PIK3C3: variants seen among roughly 807,000 people sequenced by gnomAD.
PIK3C3 encodes the protein PI3-kinase type 3.
Under a neutral mutation model 126.1 loss-of-function variants are expected in PIK3C3, and 95 were observed. The ratio of observed to expected loss-of-function variants is 0.75; its 90% CI spans 0.64 to 0.89. The LOEUF is 0.89. Ranked by LOEUF, PIK3C3 falls within the 40% of genes least tolerant of loss-of-function variation. The probability of loss-of-function intolerance (pLI) is 0.00; values close to 1 mark genes in which losing one functional copy is unlikely to be tolerated. For synonymous variants in PIK3C3, 374 were observed against 360.0 expected (o/e 1.04, Z -0.44); for missense variants, 829 against 1,063.2 (o/e 0.78, Z 3.06).
intron 24 of PIK3C3, among the ~76,000 whole-genome samples, chr18:42,075,164 T>C (rs141830749): frequency 1.3e-5 from 2 of 152,238 alleles, no homozygotes; most frequent in African/African-American, 4.8e-5. Flanking sequence ...AAGAGAAAAA[T>C]CATCATTTCT....
chr18:42,070,296 G>T (rs1286985624), intron 24 of PIK3C3, among the ~76,000 whole-genome samples: 1 of 152,166 alleles, frequency 6.6e-6, no homozygotes, highest in African/African-American at 2.4e-5. Context: ...AGAAAAGAGA[G>T]GAATTAAGTA....
At chr18:42,027,371 A>C in intron 13 of PIK3C3, 72 bp from the exon 14 acceptor site, 1 of 750,936 alleles carries the variant, frequency 1.3e-6, no homozygotes, top group Non-Finnish European at 2.2e-6. Context: ...TTTTAGTGAA[A>C]TGATATGAGT....
chr18:41,965,940 A>T (rs370730453), intron 3 of PIK3C3, among the ~76,000 whole-genome samples: 9 of 152,278 alleles, frequency 5.9e-5, no homozygotes, highest in African/African-American at 2.2e-4. Flanking sequence ...CATTAACTAA[A>T]ATAAGACTTT....
intron 12 of PIK3C3, among the ~76,000 whole-genome samples, chr18:42,018,148 C>G (rs1983160552): frequency 6.6e-6 from 1 of 151,834 alleles, no homozygotes; most frequent in Non-Finnish European, 1.5e-5. Flanking sequence ...GATACCTGCA[C>G]CTTCCTCACC....
At chr18:42,016,290 A>G (rs957914411) in intron 12 of PIK3C3, among the ~76,000 whole-genome samples, 3 of 152,158 alleles carry the variant, frequency 2.0e-5, no homozygotes, top group Non-Finnish European at 4.4e-5. Flanking sequence ...ATCTTTCGGT[A>G]TAACAAAATA....
rs776267187 is a variant in PIK3C3 at position 41,970,454 on chromosome 18, A to C, written c.529A>C (p.Lys177Gln). ...LSEDQMSRLA[K>Q]LTKAHRQGHM... ...AGAAGATCAGATGAGCCGTCTTGCC[A>C]AGGTAAAAAAAGTCATTTGGAACAG... The change falls in exon 4 of 25, where the codon AAG becomes CAG. Residue 177 changes from lysine to glutamine, a missense_variant and splice_region_variant. This residue lies in a region of PIK3C3 where 313 missense variants were observed against 340.7 expected (regional missense o/e 0.92). Coordinates refer to ENST00000262039, the MANE Select transcript of PIK3C3 (RefSeq NM_002647.4). The C allele has an allele frequency of 6.2e-7, 1 of 1,613,644 alleles. No homozygotes were observed. The highest frequency in any genetic ancestry group is 1.3e-5 in the African/African-American group (1 of 74,902).
intron 7 of PIK3C3, among the ~76,000 whole-genome samples, chr18:41,994,986 T>C (rs1981958766): frequency 6.6e-6 from 1 of 152,090 alleles, no homozygotes; most frequent in African/African-American, 2.4e-5. Context: ...TGCAGTGAGC[T>C]ATATTCATGC....
intron 21 of PIK3C3, among the ~76,000 whole-genome samples, chr18:42,054,126 G>GTA (rs60224978): frequency 2.7e-4 from 19 of 69,656 alleles, no homozygotes; most frequent in African/African-American, 4.0e-4. Context: ...AGAACTAATG[G>GTA]TATATATATA....
intron 10 of PIK3C3, among the ~76,000 whole-genome samples, chr18:42,010,694 T>C (rs928117230): frequency 5.3e-5 from 8 of 152,144 alleles, no homozygotes; most frequent in African/African-American, 1.9e-4. Flanking sequence ...TAGAATCAAC[T>C]TCTTCCAAAC....
chr18:42,052,725 T>G (rs941824302), intron 21 of PIK3C3: 1 of 152,158 alleles, frequency 6.6e-6, no homozygotes, highest in African/African-American at 2.4e-5. Flanking sequence ...TAGTTCAAAG[T>G]GAATTTTGAA....
chr18:41,980,163 C>A (rs1981126953), intron 4 of PIK3C3, among the ~76,000 whole-genome samples: 1 of 152,198 alleles, frequency 6.6e-6, no homozygotes, highest in Middle Eastern at 3.4e-3. Context: ...CACTTAAGTT[C>A]CTAAAATTGC....
chr18:41,964,264 C>T (rs375568516), intron 3 of PIK3C3, among the ~76,000 whole-genome samples: 1 of 152,074 alleles, frequency 6.6e-6, no homozygotes, highest in South Asian at 2.1e-4. Context: ...TCCTTATATA[C>T]TCAATTCATC....
intron 16 of PIK3C3, among the ~76,000 whole-genome samples, chr18:42,036,445 T>A (rs1984053806): frequency 6.6e-6 from 1 of 152,062 alleles, no homozygotes; most frequent in African/African-American, 2.4e-5. Flanking sequence ...TGACTCATTT[T>A]TTTTTCTTTG....
At chr18:42,068,906 T>C (rs1355406052) in intron 24 of PIK3C3, among the ~76,000 whole-genome samples, 3 of 143,710 alleles carry the variant, frequency 2.1e-5, no homozygotes, top group African/African-American at 5.2e-5. Flanking sequence ...GCTGAGATTG[T>C]GCCACTGTAC....
chr18:41,996,791 A>G, intron 9 of PIK3C3, 61 bp downstream of exon 9: 1 of 855,120 alleles, frequency 1.2e-6, no homozygotes, highest in Non-Finnish European at 1.9e-6. Context: ...ATTAATGATC[A>G]AGATGAGGAA....
intron 23 of PIK3C3, among the ~76,000 whole-genome samples, chr18:42,066,297 C>CA (rs1215440955): frequency 6.6e-6 from 1 of 152,198 alleles, no homozygotes; most frequent in African/African-American, 2.4e-5. Flanking sequence ...GAGACAAGGG[C>CA]ACTGAGCTGG....
chr18:42,058,733 T>C (rs1985183326), intron 22 of PIK3C3, among the ~76,000 whole-genome samples: 1 of 152,224 alleles, frequency 6.6e-6, no homozygotes, highest in Non-Finnish European at 1.5e-5. Context: ...CTGACTATCA[T>C]ATGTCATCAG....
chr18:42,018,634 C>A (rs1445863627), intron 12 of PIK3C3, among the ~76,000 whole-genome samples: 4 of 152,034 alleles, frequency 2.6e-5, no homozygotes, highest in African/African-American at 9.7e-5. Flanking sequence ...ATTACTCGGA[C>A]TTTACTTAAG....
chr18:42,050,210 C>T (rs1001455997), intron 21 of PIK3C3: 39 of 152,154 alleles, frequency 2.6e-4, no homozygotes, highest in African/African-American at 9.4e-4. Flanking sequence ...CTGTATAGCT[C>T]TAGTTAGATT....
Sources: allele counts gnomAD v4.1 joint callset (sites outside exome capture counted in the v4.1 genomes callset), GRCh38; gene constraint gnomAD v4.1.1; regional missense constraint gnomAD v4.1.1; transcripts MANE v1.5; gene names NCBI Gene and HGNC (gene_info 2026-07-23, HGNC 2026-07-21).